Variants in ITPR2 observed in about 807,000 individuals in gnomAD.
The protein encoded by ITPR2 is inositol 1,4,5-trisphosphate-gated calcium channel ITPR2.
ITPR2 carries 207 observed loss-of-function variants against 317.1 expected under a neutral mutation model. The ratio of observed to expected loss-of-function variants is 0.65; its 90% CI spans 0.58 to 0.73. The LOEUF is 0.73. Ranked by LOEUF, ITPR2 falls within the 30% of genes least tolerant of loss-of-function variation. The pLI is 0.00. For missense variants in ITPR2, 2,613 were observed against 3,284.0 expected (o/e 0.80, Z 4.99); for synonymous variants, 1,156 against 1,149.1 (o/e 1.01, Z -0.12).
At chr12:26,682,375 C>G (rs188814884) in intron 12 of ITPR2, among the ~76,000 whole-genome samples, 199 bp downstream of exon 12, 1 of 152,332 alleles carries the variant, frequency 6.6e-6, no homozygotes, top group East Asian at 1.9e-4. Flanking sequence ...CCTTCTGAAT[C>G]ACAGCTTTGC....
chr12:26,826,016 T>A (rs1277196868), intron 1 of ITPR2, among the ~76,000 whole-genome samples: 2 of 152,012 alleles, frequency 1.3e-5, no homozygotes, highest in Admixed American at 6.6e-5. Flanking sequence ...TTTGGAAGAG[T>A]TCTGTTTGGA....
intron 12 of ITPR2, 71 bp from the exon 13 acceptor site, chr12:26,682,105 AGTACT>A: frequency 1.6e-6 from 2 of 1,227,274 alleles, no homozygotes; most frequent in Non-Finnish European, 2.3e-6. Context: ...TAACACATCT[AGTACT>A]GTTTAAGAAA....
At chr12:26,805,540 A>G (rs1352605795) in intron 1 of ITPR2, among the ~76,000 whole-genome samples, 1 of 152,066 alleles carries the variant, frequency 6.6e-6, no homozygotes, top group East Asian at 1.9e-4. Context: ...AAAGAAATGT[A>G]TTCATTCCAC....
intron 49 of ITPR2, among the ~76,000 whole-genome samples, chr12:26,425,812 T>C (rs1428114816): frequency 6.6e-6 from 1 of 152,226 alleles, no homozygotes; most frequent in African/African-American, 2.4e-5. Context: ...TATCTACATG[T>C]ATATTCTTTC....
intron 23 of ITPR2, among the ~76,000 whole-genome samples, chr12:26,625,455 A>C (rs73072588): frequency 1.3e-5 from 2 of 152,334 alleles, no homozygotes; most frequent in Non-Finnish European, 2.9e-5. Context: ...AAATATATAC[A>C]TCAACTATGT....
chr12:26,781,381 TAAGAA>T (rs60450220), intron 2 of ITPR2, among the ~76,000 whole-genome samples: 44,107 of 151,770 alleles, frequency 0.29, 7,630 homozygotes, highest in East Asian at 0.75. Flanking sequence ...AAACTTGTAC[TAAGAA>T]AATATTTTCA....
chr12:26,339,553 C>T (rs563004192), intron 56 of ITPR2, 70 bp from the exon 57 acceptor site: 198 of 1,160,164 alleles, frequency 1.7e-4, no homozygotes, highest in Non-Finnish European at 2.3e-4. Flanking sequence ...GGGCCACAAC[C>T]GTTTTGAGTT....
intron 1 of ITPR2, among the ~76,000 whole-genome samples, chr12:26,809,046 T>C (rs1434085080): frequency 3.3e-5 from 5 of 152,228 alleles, no homozygotes; most frequent in Non-Finnish European, 7.3e-5. Context: ...TGATTCCTTT[T>C]GAAGCATATG....
chr12:26,443,412 C>T, intron 46 of ITPR2, 131 bp downstream of exon 46: 1 of 571,506 alleles, frequency 1.7e-6, no homozygotes, highest in Non-Finnish European at 3.0e-6. Flanking sequence ...CATCCTTTTA[C>T]TATACATTTT....
At chr12:26,570,366 C>G (rs1945127419) in intron 34 of ITPR2, among the ~76,000 whole-genome samples, 1 of 152,040 alleles carries the variant, frequency 6.6e-6, no homozygotes, top group South Asian at 2.1e-4. Flanking sequence ...ATAACTTACT[C>G]AGATTTAATT....
chr12:26,359,786 G>A (rs192719398), intron 55 of ITPR2, among the ~76,000 whole-genome samples: 5 of 152,102 alleles, frequency 3.3e-5, no homozygotes, highest in Admixed American at 2.6e-4. Context: ...CACATTTTCA[G>A]GGACAAGCAC....
chr12:26,654,686 T>A (rs1947334410), intron 20 of ITPR2, among the ~76,000 whole-genome samples: 1 of 151,630 alleles, frequency 6.6e-6, no homozygotes, highest in African/African-American at 2.4e-5. Flanking sequence ...GCAACTTCCA[T>A]CTTGTACTCT....
intron 37 of ITPR2, among the ~76,000 whole-genome samples, chr12:26,532,539 C>T (rs1328136797): frequency 6.6e-6 from 1 of 152,134 alleles, no homozygotes; most frequent in African/African-American, 2.4e-5. Flanking sequence ...TGCCACTATG[C>T]CCAGCTAATT....
At chr12:26,583,470 TGTTA>T (rs1945450206) in intron 32 of ITPR2, among the ~76,000 whole-genome samples, 1 of 152,102 alleles carries the variant, frequency 6.6e-6, no homozygotes, top group South Asian at 2.1e-4. Context: ...ATTCAGGCAC[TGTTA>T]TTTATTTTGT....
intron 26 of ITPR2, among the ~76,000 whole-genome samples, chr12:26,620,309 A>G (rs1472322063): frequency 6.6e-6 from 1 of 152,246 alleles, no homozygotes; most frequent in Non-Finnish European, 1.5e-5. Flanking sequence ...TTTCAGAAGC[A>G]TTTTGATTAA....
chr12:26,684,557 T>C (rs570346346), intron 11 of ITPR2, among the ~76,000 whole-genome samples: 1 of 152,224 alleles, frequency 6.6e-6, no homozygotes, highest in Admixed American at 6.5e-5. Flanking sequence ...AGTTATATTA[T>C]AATAGTAGTT....
intron 46 of ITPR2, among the ~76,000 whole-genome samples, chr12:26,442,107 G>C (rs1592027510): frequency 6.6e-6 from 1 of 151,950 alleles, no homozygotes; most frequent in African/African-American, 2.4e-5. Flanking sequence ...ACGGCAACCA[G>C]ATTGATCTTT....
chr12:26,609,757 C>T (rs781685358), intron 26 of ITPR2, among the ~76,000 whole-genome samples: 2 of 151,904 alleles, frequency 1.3e-5, no homozygotes, highest in Non-Finnish European at 1.5e-5. Flanking sequence ...GATAAAATAA[C>T]CAAGTAATTC....
chr12:26,700,796 G>T (rs1430562413), intron 9 of ITPR2, among the ~76,000 whole-genome samples: 1 of 152,178 alleles, frequency 6.6e-6, no homozygotes, highest in Non-Finnish European at 1.5e-5. Flanking sequence ...CCCAAATGAA[G>T]ATAATAATGC....
Sources: gnomAD v4.1 joint callset for allele counts (sites outside exome capture counted in the v4.1 genomes callset) on GRCh38, gnomAD v4.1.1 for gene constraint, MANE v1.5 for transcripts, NCBI Gene and HGNC (gene_info 2026-07-23, HGNC 2026-07-21) for gene names.